JHY: variants seen among roughly 807,000 people sequenced by gnomAD.
The protein encoded by JHY is junctional cadherin complex regulator, also known as jhy protein homolog.
JHY carries 69 observed loss-of-function variants against 78.0 expected under a neutral mutation model. That is an observed-to-expected ratio of 0.88 (90% CI 0.73 to 1.08). The LOEUF is 1.08. JHY is among the 50% of genes least tolerant of loss of function. The probability of loss-of-function intolerance (pLI) is 0.00; values close to 1 mark genes in which losing one functional copy is unlikely to be tolerated. For synonymous variants in JHY, 368 were observed against 342.6 expected (o/e 1.07, Z -0.82); for missense variants, 944 against 927.8 (o/e 1.02, Z -0.23).
chr11:122,905,407 T>C (rs1862967168), intron 3 of JHY: 3 of 1,441,290 alleles, frequency 2.1e-6, no homozygotes, highest in Admixed American at 2.8e-5. Context: ...AAAGGAGAGG[T>C]TATTATGTTA....
In JHY at chr11:122,898,564, C is replaced by A. The variant is rs1862783727; in HGVS notation, c.345-5361C>A. On this transcript the variant is annotated intron_variant, in intron 2 of 8. Coordinates refer to ENST00000227349, the MANE Select transcript of JHY (RefSeq NM_024806.4). This position sits in a 1 kb window ranked among gnomAD's most constrained non-coding sequence, Gnocchi z 4.4. ...ACGTGCTCCCTTTCCACATCCCACT[C>A]CTGAGTGAGTAGCAGAACAGTGATC... Among the ~76,000 whole-genome samples the A allele has an allele frequency of 6.6e-6, 1 of 152,204 alleles. No individual in the cohort carries two copies. The highest frequency in any genetic ancestry group is 2.1e-4 in the South Asian group (1 of 4,832).
Position 122,904,124 on chromosome 11 carries a change from G to A in JHY, c.544G>A (p.Glu182Lys), listed in dbSNP as rs375854976. 2.6e-5 allele frequency: 42 copies of A among 1,614,160 alleles called. 1 individual carries two copies. In the Middle Eastern group the frequency reaches 1.3e-3, roughly 51 times the overall value. The part of the protein sequence containing the change: ...ELSGGKGEQK[E>K]SPQSAASLLG... The stretch of plus-strand genomic sequence containing the variant: ...CTCCGGGGGAAAAGGCGAGCAGAAA[G>A]AGAGTCCACAGAGTGCAGCTTCTTT... Residue 182 changes from glutamate to lysine, a missense_variant, in exon 3 of 9, where the codon GAG becomes AAG. By Grantham distance (56) the Glu-to-Lys change is moderately conservative. Coordinates refer to ENST00000227349, the MANE Select transcript of JHY (RefSeq NM_024806.4).
At position 122,959,613 on chromosome 11, in the gene JHY, G is replaced by T; in HGVS notation, c.*168G>T. On this transcript the variant is annotated 3_prime_UTR_variant, in exon 9 of 9. Transcript: ENST00000227349. ...AAATATGAGGCCCAATTGGATTATGGTGCCATATTTTACTTTCTAGGAAGA... is the reference window on the plus strand; with the variant it reads ...AAATATGAGGCCCAATTGGATTATGTTGCCATATTTTACTTTCTAGGAAGA... 1.6e-6 allele frequency: 1 copy of T among 633,264 alleles called. No homozygotes were observed. The highest frequency in any genetic ancestry group is 2.4e-5 in the South Asian group (1 of 41,134). 39.2% of individuals were successfully genotyped at this position (633,264 alleles called of 1,614,324 possible). A position where few individuals can be genotyped will look rare whatever the true frequency, so the allele number is the denominator to read the frequency against.
chr11:122,900,510 GCTT>G (rs1862828942), intron 2 of JHY, among the ~76,000 whole-genome samples: 1 of 26,316 alleles, frequency 3.8e-5, no homozygotes, highest in African/African-American at 1.5e-4. Context: ...CATACTACCA[GCTT>G]TTTTTTTTTT....
chr11:122,904,248 G>C lies in JHY; in HGVS notation c.668G>C (p.Ser223Thr). The C allele has an allele frequency of 2.5e-6, 4 of 1,614,204 alleles. No individual in the cohort carries two copies. Among genetic ancestry groups the C allele is most frequent in the Non-Finnish European group, 2.5e-6 (3 of 1,180,034 alleles). Reference sequence around the variant, plus strand: ...GACAGTGACCTGGAGGAGAAGTCGAGCAGCCTTTCTCCGTACGTGAAGAGC... The same window carrying C: ...GACAGTGACCTGGAGGAGAAGTCGACCAGCCTTTCTCCGTACGTGAAGAGC... Reference protein sequence around the residue: ...LSDSDLEEKSSSLSPYVKSSS... With the variant: ...LSDSDLEEKSTSLSPYVKSSS... The change falls in exon 3 of 9, where the codon AGC (serine) becomes ACC (threonine). Residue 223 changes from serine to threonine, a missense_variant. By Grantham distance (58) the Ser-to-Thr change is moderately conservative. Coordinates refer to ENST00000227349, the MANE Select transcript of JHY (RefSeq NM_024806.4).
In JHY at chr11:122,904,318, T is replaced by C; in HGVS notation, c.738T>C (p.Pro246=). The change falls in exon 3 of 9, where the codon CCT becomes CCC. Residue 246 remains proline, a synonymous_variant. Transcript: ENST00000227349. ...NEVFLPGSRG[P]RRRKSKQHFV... The stretch of plus-strand genomic sequence containing the variant: ...TTTTCCTGCCGGGATCACGTGGCCC[T>C]CGGCGAAGGAAATCCAAACAACATT... 1 of 1,614,044 alleles carries C rather than the reference T, an allele frequency of 6.2e-7. No homozygotes were observed. The highest frequency in any genetic ancestry group is 8.5e-7 in the Non-Finnish European group (1 of 1,180,010).
chr11:122,899,456 T>C (rs1378014011), intron 2 of JHY, among the ~76,000 whole-genome samples: 1 of 152,260 alleles, frequency 6.6e-6, no homozygotes, highest in Non-Finnish European at 1.5e-5. Context: ...TTTGGTCTAA[T>C]GCAAGAAGCC....
At chr11:122,902,531 G>A (rs779722520) in intron 2 of JHY, among the ~76,000 whole-genome samples, 12 of 152,134 alleles carry the variant, frequency 7.9e-5, no homozygotes, top group Non-Finnish European at 1.8e-4. Flanking sequence ...ATACCTGAGT[G>A]AGACTGGGTA....
rs944702097 is a variant in JHY at position 122,935,449 on chromosome 11, G to A, written c.1634+374G>A. On this transcript the variant is annotated intron_variant, in intron 5 of 8. Transcript: ENST00000227349. This position sits in a 1 kb window ranked among gnomAD's most constrained non-coding sequence, Gnocchi z 4.5. ...AGAGTTTCAGCATGTTGGCCAGGCT[G>A]GTCTCGAACTCCTGACCTCAAGTAA... is the stretch of plus-strand genomic sequence containing the variant. Among the ~76,000 whole-genome samples, 2 of 152,104 alleles carry A rather than the reference G, an allele frequency of 1.3e-5. No individual in the cohort carries two copies. The highest frequency in any genetic ancestry group is 2.1e-4 in the South Asian group (1 of 4,818).
intron 5 of JHY, among the ~76,000 whole-genome samples, chr11:122,942,094 A>T (rs962155409): frequency 2.1e-4 from 32 of 151,712 alleles, no homozygotes; most frequent in Non-Finnish European, 7.4e-5. Flanking sequence ...CTGGTCTCGA[A>T]CTCCTGACCT....
At chr11:122,884,893 C>T (rs1268811531) in intron 1 of JHY, among the ~76,000 whole-genome samples, 1 of 151,930 alleles carries the variant, frequency 6.6e-6, no homozygotes, top group Non-Finnish European at 1.5e-5. Flanking sequence ...GCCTGCCCGG[C>T]TCGAGTGACC....
chr11:122,949,978 C>T (rs990945841), intron 6 of JHY, among the ~76,000 whole-genome samples: 31 of 151,754 alleles, frequency 2.0e-4, no homozygotes, highest in African/African-American at 7.3e-4. Context: ...GGATTACAGG[C>T]GCACACCACT....
rs11349858 is a variant in JHY, at chr11:122,939,963, CTT to C, written c.1634+4899_1634+4900del. On this transcript the variant is annotated intron_variant, in intron 5 of 8. Coordinates refer to ENST00000227349, the MANE Select transcript of JHY (RefSeq NM_024806.4). The stretch of plus-strand genomic sequence containing the variant: ...CTTGTCTCCAAAAAGCCTTTTACAG[CTT>C]TTTTTTTTTTAAATTCCTGATCCAG... 1.2e-3 allele frequency among the ~76,000 whole-genome samples: 177 copies of C among 146,556 alleles called. 1 individual carries two copies. The highest frequency in any genetic ancestry group is 3.5e-3 in the Middle Eastern group (1 of 284).
At chr11:122,910,280 G>T (rs148331604) in intron 3 of JHY, among the ~76,000 whole-genome samples, 5 of 151,990 alleles carry the variant, frequency 3.3e-5, no homozygotes, top group African/African-American at 1.2e-4. Flanking sequence ...TTTGAGACCC[G>T]CCTGACCAAC....
chr11:122,906,621 C>G (rs1332863252), intron 3 of JHY, among the ~76,000 whole-genome samples: 1 of 152,158 alleles, frequency 6.6e-6, no homozygotes, highest in Non-Finnish European at 1.5e-5. Flanking sequence ...CAGAAACTCT[C>G]TTTTTAGTCT....
rs571005458 is a variant in JHY at position 122,923,550 on chromosome 11, C to T, written c.865-1347C>T. 2.5e-4 allele frequency among the ~76,000 whole-genome samples: 38 copies of T among 152,242 alleles called. No individual in the cohort carries two copies. The South Asian group carries it at 7.5e-3, about 30-fold the overall frequency. On this transcript the variant is annotated intron_variant, in intron 3 of 8. Coordinates refer to ENST00000227349, the MANE Select transcript of JHY (RefSeq NM_024806.4). Reference sequence around the variant, plus strand: ...CTGATGGCTGGAATTCCACATGACACAGACACTAATTTCTTGATTTAAAAC... The same window carrying T: ...CTGATGGCTGGAATTCCACATGACATAGACACTAATTTCTTGATTTAAAAC...
intron 6 of JHY, among the ~76,000 whole-genome samples, chr11:122,953,727 A>G (rs1194996579): frequency 6.6e-6 from 1 of 152,194 alleles, no homozygotes; most frequent in Non-Finnish European, 1.5e-5. Context: ...CTGAGTAGTG[A>G]CTTCTGTTTT....
intron 3 of JHY, chr11:122,905,780 T>C (rs1862977367): frequency 5.8e-6 from 1 of 171,776 alleles, no homozygotes; most frequent in South Asian, 1.9e-4. Context: ...GGCACAAGAA[T>C]CGCTTGAACA....
chr11:122,911,905 C>CAAAAAAAAAAAAAA (rs59941995), intron 3 of JHY, among the ~76,000 whole-genome samples: 4 of 49,722 alleles, frequency 8.0e-5, no homozygotes, highest in African/African-American at 1.6e-4. Context: ...AACTCTGTCT[C>CAAAAAAAAAAAAAA]AAAAAAAAAA....
Sources: allele counts gnomAD v4.1 joint callset (sites outside exome capture counted in the v4.1 genomes callset), GRCh38; gene constraint gnomAD v4.1.1; non-coding constraint Gnocchi (gnomAD v3.1); transcripts MANE v1.5; gene names NCBI Gene and HGNC (gene_info 2026-07-23, HGNC 2026-07-21).